Variants in HMCN2 observed in about 807,000 individuals in gnomAD.
HMCN2 encodes the protein hemicentin 2.
HMCN2 carries 325 observed loss-of-function variants against 377.5 expected under a neutral mutation model. The ratio of observed to expected loss-of-function variants is 0.86; its 90% confidence interval spans 0.79 to 0.94. HMCN2 has a LOEUF of 0.94. Among genes scored for constraint, HMCN2 ranks in the 40% least tolerant of loss-of-function variants. The probability of loss-of-function intolerance (pLI) is 0.00; values close to 1 mark genes in which losing one functional copy is unlikely to be tolerated. For synonymous variants in HMCN2, 2,007 were observed against 2,046.8 expected (o/e 0.98, Z 0.53); for missense variants, 4,543 against 4,725.3 (o/e 0.96, Z 1.13).
Position 130,348,582 on chromosome 9 carries a change from C to G in HMCN2, c.4062C>G (p.Asn1354Lys). 7.7e-7 allele frequency: 1 copy of G among 1,304,256 alleles called. No homozygotes were observed. The highest frequency in any genetic ancestry group is 2.3e-5 in the Admixed American group (1 of 43,572). 80.8% of individuals were successfully genotyped at this position (1,304,256 alleles called of 1,614,324 possible). A position where few individuals can be genotyped will look rare whatever the true frequency, so the allele number is the denominator to read the frequency against. ...TCCGGGAGGACGGGCGCAAGGCCAA[C>G]GTGTCGGGTATGGCCGGGCAGTCCC... ...PSIREDGRKANVSGMAGQSLT... is the reference protein window; with the variant it reads ...PSIREDGRKAKVSGMAGQSLT... The change falls in exon 27 of 98, where the codon AAC becomes AAG. Residue 1354 changes from asparagine to lysine, a missense_variant. Asn to Lys is a moderately conservative substitution (Grantham distance 94). Transcript: ENST00000683500.
intron 48 of HMCN2, 25 bp from the exon 49 acceptor site, chr9:130,374,477 G>A (rs1351108660): frequency 1.7e-5 from 17 of 984,840 alleles, no homozygotes; most frequent in Non-Finnish European, 1.9e-5. Flanking sequence ...CTGCCAAATT[G>A]TCTCATTCTC....
At position 130,360,352 on chromosome 9, in the gene HMCN2, TC is replaced by T. The variant is rs1168805973; in HGVS notation, c.5774-71del. ...TTTCCCCCTTGCATCTCTCTTCCTT[TC>T]CCCCTTACTTCTCTCTTCCATTCCC... On this transcript the variant is annotated intron_variant, in intron 37 of 97. Coordinates refer to ENST00000683500, the MANE Select transcript of HMCN2 (RefSeq NM_001291815.2). This position sits in a 1 kb window ranked among gnomAD's most constrained non-coding sequence, Gnocchi z 4.7. 1 of 797,108 alleles carries T rather than the reference TC, an allele frequency of 1.3e-6. No homozygotes were observed. The highest frequency in any genetic ancestry group is 9.7e-5 in the East Asian group (1 of 10,308). 49.4% of individuals were successfully genotyped at this position (797,108 alleles called of 1,614,324 possible). A position where few individuals can be genotyped will look rare whatever the true frequency, so the allele number is the denominator to read the frequency against.
Position 130,392,116 on chromosome 9 carries a change from C to G in HMCN2, c.10134C>G (p.Leu3378=), listed in dbSNP as rs913617141. 1 of 988,064 alleles carries G rather than the reference C, an allele frequency of 1.0e-6. No homozygotes were observed. The highest frequency in any genetic ancestry group is 6.1e-5 in the Admixed American group (1 of 16,280). 61.2% of individuals were successfully genotyped at this position (988,064 alleles called of 1,614,324 possible). A position where few individuals can be genotyped will look rare whatever the true frequency, so the allele number is the denominator to read the frequency against. The change falls in exon 66 of 98, where the codon CTC becomes CTG. Residue 3378 remains leucine, a splice_region_variant and synonymous_variant. Transcript: ENST00000683500. ...TCCTCCACGGCTCTGGCCACACCCT[C>G]AGGTAGGGGAGACGGTGGACAGGCC... ...RTLLHGSGHT[L]RISKVQLADA... is the part of the protein sequence containing the mutation.
At chr9:130,327,086 G>A (rs1337073804) in intron 21 of HMCN2, among the ~76,000 whole-genome samples, 1 of 152,102 alleles carries the variant, frequency 6.6e-6, no homozygotes, top group African/African-American at 2.4e-5. Flanking sequence ...AGGTGGTGGT[G>A]GGGAGGTGGG....
intron 1 of HMCN2, among the ~76,000 whole-genome samples, chr9:130,275,060 G>A (rs1564737065): frequency 6.6e-6 from 1 of 152,160 alleles, no homozygotes; most frequent in Non-Finnish European, 1.5e-5. Flanking sequence ...GCCATCTTGC[G>A]CCTGGACCCA....
chr9:130,364,952 G>T (rs1478189198), intron 41 of HMCN2, 63 bp downstream of exon 41: 2 of 932,742 alleles, frequency 2.1e-6, no homozygotes, highest in African/African-American at 3.6e-5. Context: ...GGTGGGGCCT[G>T]CAGGTGCCCC....
At chr9:130,404,090 G>A (rs944537562) in intron 80 of HMCN2, among the ~76,000 whole-genome samples, 5 of 152,166 alleles carry the variant, frequency 3.3e-5, no homozygotes, top group African/African-American at 9.7e-5. Context: ...CACAAGTCTA[G>A]CATCCCTCAT....
chr9:130,420,012 G>A (rs1843904702), intron 86 of HMCN2, among the ~76,000 whole-genome samples: 1 of 149,608 alleles, frequency 6.7e-6, no homozygotes, highest in Admixed American at 6.7e-5. Flanking sequence ...CAGTCTCAGA[G>A]TTAGCCTTGG....
chr9:130,405,363 T>G (rs1473301974), intron 81 of HMCN2, among the ~76,000 whole-genome samples: 3 of 152,248 alleles, frequency 2.0e-5, no homozygotes, highest in Non-Finnish European at 4.4e-5. Context: ...CCAGTTGTTG[T>G]CAACCATGCG....
intron 79 of HMCN2, 47 bp from the exon 80 acceptor site, chr9:130,403,694 C>T: frequency 7.8e-7 from 1 of 1,282,000 alleles, no homozygotes; most frequent in Non-Finnish European, 1.0e-6. Flanking sequence ...CCTCGGGGGT[C>T]CCCAGTCCCA....
intron 86 of HMCN2, 41 bp downstream of exon 86, chr9:130,419,082 G>T (rs1448210476): frequency 6.9e-7 from 1 of 1,450,848 alleles, no homozygotes; most frequent in Non-Finnish European, 9.1e-7. Flanking sequence ...GACAGAGGCA[G>T]GATCTCTTGC....
intron 8 of HMCN2, among the ~76,000 whole-genome samples, chr9:130,302,442 C>A (rs1388472522): frequency 1.3e-5 from 2 of 152,216 alleles, no homozygotes; most frequent in Non-Finnish European, 2.9e-5. Flanking sequence ...CCCACCCATA[C>A]CCCTGGGGAG....
chr9:130,425,269 A>G (rs987991506), intron 89 of HMCN2, 139 bp downstream of exon 89: 1 of 1,021,470 alleles, frequency 9.8e-7, no homozygotes, highest in Admixed American at 3.0e-5. Context: ...CTAGCCTTGG[A>G]CTTAGGGTAG....
chr9:130,428,558 CAG>C lies in HMCN2; in HGVS notation c.14197+70_14197+71del, dbSNP rs1844534346. ...CCAGAGGTTGCCAGGGATCAGCTGA[CAG>C]GGGGCTGTGTGTCACTGGGCTCTGG... On this transcript the variant is annotated intron_variant, in intron 93 of 97. Coordinates refer to ENST00000683500, the MANE Select transcript of HMCN2 (RefSeq NM_001291815.2). The surrounding 1 kb of genome is among the most constrained non-coding windows in gnomAD (Gnocchi z 5.0). 1.9e-5 allele frequency: 29 copies of C among 1,517,832 alleles called. No individual in the cohort carries two copies. The highest frequency in any genetic ancestry group is 4.0e-5 in the Admixed American group (2 of 50,442). The allele number at this position is 1,517,832 out of a possible 1,614,324, so 94.0% of individuals were successfully genotyped here. A position where few individuals can be genotyped will look rare whatever the true frequency, so the allele number is the denominator to read the frequency against.
chr9:130,349,483 C>A (rs1038623173), intron 28 of HMCN2, 54 bp from the exon 29 acceptor site: 1 of 1,286,200 alleles, frequency 7.8e-7, no homozygotes. Flanking sequence ...CCGTGGTAGG[C>A]GGGGCTTGCA....
rs1462165992 is a variant in HMCN2 at position 130,372,380 on chromosome 9, C to T, written c.7324C>T (p.Arg2442Trp). The T allele has an allele frequency of 3.7e-5, 36 of 985,650 alleles. 1 individual carries two copies. The highest frequency in any genetic ancestry group is 1.0e-4 in the African/African-American group (6 of 57,206). 61.1% of individuals were successfully genotyped at this position (985,650 alleles called of 1,614,324 possible). A position where few individuals can be genotyped will look rare whatever the true frequency, so the allele number is the denominator to read the frequency against. ...CLASNEAGEA[R>W]RNFSVEVLVP... is the part of the protein sequence containing the mutation. ...GGCAAGCAACGAGGCTGGGGAGGCA[C>T]GGAGGAACTTCAGTGTGGAGGTGCT... The change falls in exon 47 of 98, where the codon CGG (arginine) becomes TGG (tryptophan). Residue 2442 changes from arginine (R) to tryptophan (W), a missense_variant. Physicochemically the swap from Arg to Trp is moderately radical, Grantham distance 101. Coordinates refer to ENST00000683500, the MANE Select transcript of HMCN2 (RefSeq NM_001291815.2).
chr9:130,375,706 G>A lies in HMCN2; in HGVS notation c.7774G>A (p.Glu2592Lys), dbSNP rs1022335596. 1 of 985,930 alleles carries A rather than the reference G, an allele frequency of 1.0e-6. No homozygotes were observed. The highest frequency in any genetic ancestry group is 1.2e-6 in the Non-Finnish European group (1 of 829,990). 61.1% of individuals were successfully genotyped at this position (985,930 alleles called of 1,614,324 possible). A position where few individuals can be genotyped will look rare whatever the true frequency, so the allele number is the denominator to read the frequency against. ...ITWMKDGAPFEASRNIQLLPG... is the reference protein window; with the variant it reads ...ITWMKDGAPFKASRNIQLLPG... ...CTGGATGAAGGACGGGGCCCCGTTT[G>A]AGGCCTCCAGGAACATCCAGCTGCT... The change falls in exon 50 of 98, where the codon GAG becomes AAG. Residue 2592 changes from glutamate (E) to lysine (K), a missense_variant. This residue lies in a region of HMCN2 where 736 missense variants were observed against 773.2 expected (regional missense o/e 0.95). Coordinates refer to ENST00000683500, the MANE Select transcript of HMCN2 (RefSeq NM_001291815.2).
intron 15 of HMCN2, among the ~76,000 whole-genome samples, chr9:130,319,006 G>A (rs1413984156): frequency 6.6e-6 from 1 of 152,130 alleles, no homozygotes; most frequent in African/African-American, 2.4e-5. Flanking sequence ...AGTGGGCCTG[G>A]CTTAGGCCAG....
intron 4 of HMCN2, among the ~76,000 whole-genome samples, chr9:130,293,522 T>C (rs1220781112): frequency 6.6e-6 from 1 of 152,070 alleles, no homozygotes. Flanking sequence ...TCCCTCTGTC[T>C]TGGTTTCCTT....
Sources: gnomAD v4.1 joint callset for allele counts (sites outside exome capture counted in the v4.1 genomes callset) on GRCh38, gnomAD v4.1.1 for gene constraint, gnomAD v4.1.1 regional missense constraint, Gnocchi (gnomAD v3.1) non-coding constraint, MANE v1.5 for transcripts, NCBI Gene and HGNC (gene_info 2026-07-23, HGNC 2026-07-21) for gene names.